MCM8: variants seen among roughly 807,000 people sequenced by gnomAD.
MCM8 encodes the protein DNA helicase MCM8.
Under a neutral mutation model 98.9 loss-of-function variants are expected in MCM8, and 85 were observed. That is an observed-to-expected ratio of 0.86 (90% CI 0.72 to 1.03). MCM8 has a LOEUF of 1.03. Among genes scored for constraint, MCM8 ranks in the 50% least tolerant of loss-of-function variants. The pLI is 0.00. For synonymous variants in MCM8, 352 were observed against 338.6 expected, an observed-to-expected ratio of 1.04 and a Z score of -0.44; for missense variants, 951 against 997.8, an observed-to-expected ratio of 0.95 and a Z score of 0.63.
chr20:5,976,878 G>A (rs1405119348), intron 12 of MCM8, among the ~76,000 whole-genome samples: 1 of 152,174 alleles, frequency 6.6e-6, no homozygotes, highest in African/African-American at 2.4e-5. Flanking sequence ...CTTGAGCCCA[G>A]GAGTTCAAGG....
At chr20:5,972,133 A>G (rs1012934485) in intron 11 of MCM8, 96 bp downstream of exon 11, 25 of 822,576 alleles carry the variant, frequency 3.0e-5, no homozygotes, top group Non-Finnish European at 4.3e-5. Context: ...TCTATTGGCC[A>G]GTTATTTATA....
Position 5,989,266 on chromosome 20 carries a change from G to A in MCM8, c.2240+1908G>A, listed in dbSNP as rs1490405098. ...CATGTAGCTGGGACTACAGGTGCAT[G>A]CCACCACACCTGCTAATTTTTGTAT... On this transcript the variant is annotated intron_variant, in intron 17 of 18. Transcript: ENST00000610722. 3.3e-5 allele frequency among the ~76,000 whole-genome samples: 5 copies of A among 151,838 alleles called. No individual in the cohort carries two copies. The East Asian group carries it at 5.8e-4, about 18-fold the overall frequency.
At chr20:5,972,226 A>G (rs2122741554) in intron 11 of MCM8, among the ~76,000 whole-genome samples, 189 bp downstream of exon 11, 1 of 151,384 alleles carries the variant, frequency 6.6e-6, no homozygotes, top group Admixed American at 6.6e-5. Flanking sequence ...ATTTTTTGAG[A>G]CAGGGTTTTG....
At chr20:5,952,315 A>T in intron 2 of MCM8, 109 bp from the exon 3 acceptor site, 1 of 1,552,992 alleles carries the variant, frequency 6.4e-7, no homozygotes, top group Non-Finnish European at 8.7e-7. Context: ...GATTTTTACT[A>T]AAACCCCTAA....
chr20:5,952,562 A>G (rs1177083056), intron 3 of MCM8, 34 bp downstream of exon 3: 2 of 1,554,850 alleles, frequency 1.3e-6, no homozygotes, highest in Non-Finnish European at 1.8e-6. Flanking sequence ...AGCACCATAA[A>G]TCATATTTTC....
rs775233073 is a variant in MCM8, at chr20:5,957,243, T to A, written c.590+14T>A. 6.3e-7 allele frequency: 1 copy of A among 1,591,062 alleles called. No homozygotes were observed. Among genetic ancestry groups the A allele is most frequent in the South Asian group, 1.1e-5 (1 of 90,120 alleles). ...TATTCATGCAAGGTGAGGAATTTGA[T>A]GTATTAAAGTATTACTTAGAATGGG... On this transcript the variant is annotated intron_variant, in intron 6 of 18. Transcript: ENST00000610722.
chr20:5,966,128 T>A (rs554218720), intron 8 of MCM8, among the ~76,000 whole-genome samples: 1 of 152,172 alleles, frequency 6.6e-6, no homozygotes, highest in South Asian at 2.1e-4. Context: ...CTCTGCTGTT[T>A]ATGAGAGGTC....
intron 17 of MCM8, among the ~76,000 whole-genome samples, chr20:5,989,872 C>T (rs1214748735): frequency 1.3e-5 from 2 of 152,120 alleles, no homozygotes; most frequent in East Asian, 3.8e-4. Flanking sequence ...TGTAAGCAAC[C>T]GTGAGGTTCT....
At chr20:5,992,573 T>TA (rs2089874769) in intron 17 of MCM8, among the ~76,000 whole-genome samples, 1 of 152,208 alleles carries the variant, frequency 6.6e-6, no homozygotes, top group Non-Finnish European at 1.5e-5. Context: ...GGAAAACACT[T>TA]ACCATCTTAC....
Position 5,977,955 on chromosome 20 carries a change from CA to C in MCM8, c.1479del (p.Asp494IlefsTer84). ...TTTSGLTVTL[S>X]KDSSSGDFAL... is the part of the protein sequence containing the mutation. ...ACCTCTGGTCTGACGGTAACTCTTTCAAAAGATAGTTCCTCTGGAGATTTTG... is the reference window on the plus strand; with the variant it reads ...ACCTCTGGTCTGACGGTAACTCTTTCAAAGATAGTTCCTCTGGAGATTTTG... On this transcript the variant is annotated frameshift_variant, in exon 13 of 19. Transcript: ENST00000610722. LOFTEE classifies it high-confidence loss of function. 6.2e-7 allele frequency: 1 copy of C among 1,614,226 alleles called. No individual in the cohort carries two copies. The highest frequency in any genetic ancestry group is 8.5e-7 in the Non-Finnish European group (1 of 1,180,044).
rs532280588 is a variant in MCM8 at position 5,969,223 on chromosome 20, A to G, written c.1223+1198A>G. Among the ~76,000 whole-genome samples the G allele has an allele frequency of 7.2e-5, 11 of 152,320 alleles. No homozygotes were observed. The South Asian group carries it at 2.1e-3, about 29-fold the overall frequency. On this transcript the variant is annotated intron_variant, in intron 10 of 18. Transcript: ENST00000610722. ...GGTAATTTTGAAGAAATAGGAGAAA[A>G]TGAGAGAGACTGAATAATAGATATA...
rs1324010877 is a variant in MCM8, at chr20:5,973,113, G to A, written c.1312G>A (p.Asp438Asn). 6.2e-7 allele frequency: 1 copy of A among 1,614,094 alleles called. No individual in the cohort carries two copies. The highest frequency in any genetic ancestry group is 1.3e-5 in the African/African-American group (1 of 74,950). The change falls in exon 12 of 19, where the codon GAC (aspartate) becomes AAC (asparagine). Residue 438 changes from aspartate (D) to asparagine (N), a missense_variant. Coordinates refer to ENST00000610722, the MANE Select transcript of MCM8 (RefSeq NM_032485.6). Reference sequence around the variant, plus strand: ...TGGAGGAAGCCAGAAATACGCAGATGACAAAAACAGAATTCCAATTCGGGG... The same window carrying A: ...TGGAGGAAGCCAGAAATACGCAGATAACAAAAACAGAATTCCAATTCGGGG... ...LFGGSQKYADDKNRIPIRGDP... is the reference protein window; with the variant it reads ...LFGGSQKYADNKNRIPIRGDP...
chr20:5,951,485 T>C (rs1489023580), intron 1 of MCM8, among the ~76,000 whole-genome samples: 1 of 152,216 alleles, frequency 6.6e-6, no homozygotes, highest in Non-Finnish European at 1.5e-5. Context: ...TGAATCATTT[T>C]TAAGTAGACG....
intron 14 of MCM8, 58 bp downstream of exon 14, chr20:5,983,223 A>G (rs745464127): frequency 1.3e-5 from 18 of 1,390,538 alleles, no homozygotes; most frequent in East Asian, 7.4e-5. Context: ...ATTCAATAAG[A>G]AAAAGAAATA....
chr20:5,980,304 C>T (rs1023333683), intron 13 of MCM8, among the ~76,000 whole-genome samples: 1 of 152,140 alleles, frequency 6.6e-6, no homozygotes, highest in Admixed American at 6.5e-5. Context: ...CTGAGTAGAA[C>T]ATAAGCTTCC....
At position 5,955,239 on chromosome 20, in the gene MCM8, G is replaced by C; in HGVS notation, c.474G>C (p.Leu158Phe). The C allele has an allele frequency of 6.2e-7, 1 of 1,612,394 alleles. No homozygotes were observed. Among genetic ancestry groups the C allele is most frequent in the Non-Finnish European group, 8.5e-7 (1 of 1,179,516 alleles). The change falls in exon 5 of 19, where the codon TTG becomes TTC. Residue 158 changes from leucine (L) to phenylalanine (F), a missense_variant. By Grantham distance (22) the Leu-to-Phe change is conservative. Transcript: ENST00000610722. ...APEKTLACMG[L>F]AIHQVLTKDL... ...AGAAAACCTTGGCTTGCATGGGTTT[G>C]GCAATACATCAGGTAACTATTTGTC...
intron 7 of MCM8, among the ~76,000 whole-genome samples, chr20:5,962,354 T>TAATGGAGGAGTAGCAAGGTTCTAAAAAG (rs1568574711): frequency 5.6e-5 from 3 of 53,518 alleles, no homozygotes; most frequent in South Asian, 1.4e-3. Context: ...CTTCATTTCT[T>TAATGGAGGAGTAGCAAGGTTCTAAAAAG]TTTTTTTTTT....
intron 13 of MCM8, among the ~76,000 whole-genome samples, chr20:5,979,595 T>G (rs74366693): frequency 0.035 from 5,318 of 152,306 alleles, 126 homozygotes; most frequent in Middle Eastern, 0.1. Flanking sequence ...GGAGCCATCC[T>G]TGACTTTTTC....
chr20:5,968,343 G>T (rs1008399162), intron 10 of MCM8, among the ~76,000 whole-genome samples: 1 of 152,126 alleles, frequency 6.6e-6, no homozygotes, highest in Non-Finnish European at 1.5e-5. Context: ...TCGGGAGTTC[G>T]AGACCAGCCT....
Sources: gnomAD v4.1 joint callset for allele counts (sites outside exome capture counted in the v4.1 genomes callset) on GRCh38, gnomAD v4.1.1 for gene constraint, MANE v1.5 for transcripts, NCBI Gene and HGNC (gene_info 2026-07-23, HGNC 2026-07-21) for gene names.